AFAP1: variants seen among roughly 807,000 people sequenced by gnomAD.
AFAP1 encodes actin filament associated protein 1, also known as actin filament-associated protein 1.
A neutral mutation model predicts 93.9 loss-of-function variants in AFAP1; 75 were observed. The ratio of observed to expected loss-of-function variants is 0.80; its 90% CI spans 0.66 to 0.97. The LOEUF is 0.97. AFAP1 is among the 50% of genes least tolerant of loss of function. The pLI, the probability that AFAP1 is intolerant of heterozygous loss-of-function variation, is 0.00. For synonymous variants in AFAP1, 517 were observed against 430.7 expected, an observed-to-expected ratio of 1.20 and a Z score of -2.48; for missense variants, 1,201 against 1,050.8, an observed-to-expected ratio of 1.14 and a Z score of -1.98.
intron 1 of AFAP1, among the ~76,000 whole-genome samples, chr4:7,918,964 G>GCCAGA (rs1560236323): frequency 1.8e-4 from 26 of 142,272 alleles, no homozygotes; most frequent in East Asian, 1.1e-3. Flanking sequence ...AAACAGGGCT[G>GCCAGA]TTGGAAGAGA....
chr4:7,910,343 G>A (rs533724478), intron 1 of AFAP1, among the ~76,000 whole-genome samples: 2 of 152,220 alleles, frequency 1.3e-5, no homozygotes, highest in East Asian at 3.9e-4. Context: ...CTTCTCTCTG[G>A]TCTTGGTGTG....
intron 9 of AFAP1, among the ~76,000 whole-genome samples, chr4:7,806,213 A>G (rs1719497236): frequency 1.3e-5 from 2 of 152,236 alleles, no homozygotes; most frequent in African/African-American, 2.4e-5. Context: ...ACGTCACTCA[A>G]TAGGCGTTGC....
intron 4 of AFAP1, among the ~76,000 whole-genome samples, chr4:7,850,366 G>C (rs28568794): frequency 0.31 from 46,984 of 152,058 alleles, 9,156 homozygotes; most frequent in Non-Finnish European, 0.45. Flanking sequence ...AATGTATTTC[G>C]TTTACACACA....
In AFAP1 at chr4:7,763,879, G is replaced by T. The variant is rs1005524105; in HGVS notation, c.2419-88C>A. 5.8e-6 allele frequency: 8 copies of T among 1,375,822 alleles called. No homozygotes were observed. In the Admixed American group the frequency reaches 1.2e-4, roughly 20 times the overall value. The allele number at this position is 1,375,822 out of a possible 1,614,324, so 85.2% of individuals were successfully genotyped here. A position where few individuals can be genotyped will look rare whatever the true frequency, so the allele number is the denominator to read the frequency against. On this transcript the variant is annotated intron_variant, in intron 17 of 17. Coordinates refer to ENST00000420658, the MANE Select transcript of AFAP1 (RefSeq NM_001134647.2). ...CCACCATCCACATTCAACTCAGAGG[G>T]GGTGGGTGCTCGGCTACTGCAGAAA...
intron 1 of AFAP1, among the ~76,000 whole-genome samples, chr4:7,918,954 A>G (rs1720273954): frequency 1.3e-5 from 2 of 149,332 alleles, no homozygotes; most frequent in African/African-American, 4.9e-5. Context: ...GGTCACCAGG[A>G]AACAGGGCTG....
intron 6 of AFAP1, among the ~76,000 whole-genome samples, chr4:7,835,336 C>G (rs1242751306): frequency 1.6e-5 from 1 of 61,474 alleles, no homozygotes; most frequent in Non-Finnish European, 4.1e-5. Flanking sequence ...CTGCGGGCGG[C>G]CTCAAGGTTA....
intron 1 of AFAP1, among the ~76,000 whole-genome samples, chr4:7,894,585 C>T (rs1024169735): frequency 6.6e-6 from 1 of 152,152 alleles, no homozygotes; most frequent in Non-Finnish European, 1.5e-5. Flanking sequence ...TTTCAGAATG[C>T]AGAATCAGGG....
At chr4:7,805,347 A>C (rs796950918) in intron 9 of AFAP1, among the ~76,000 whole-genome samples, 1 of 152,230 alleles carries the variant, frequency 6.6e-6, no homozygotes, top group South Asian at 2.1e-4. Context: ...ATGGCTACCC[A>C]GGCTCCATGA....
chr4:7,859,621 A>C, intron 3 of AFAP1, among the ~76,000 whole-genome samples: 1 of 152,306 alleles, frequency 6.6e-6, no homozygotes, highest in South Asian at 2.1e-4. Flanking sequence ...ATTAATACTT[A>C]AGTAAAAGCT....
chr4:7,907,161 TC>T, intron 1 of AFAP1, among the ~76,000 whole-genome samples: 1 of 152,124 alleles, frequency 6.6e-6, no homozygotes, highest in East Asian at 1.9e-4. Flanking sequence ...AACAGTGAGT[TC>T]CCCTCCTCTT....
intron 1 of AFAP1, among the ~76,000 whole-genome samples, chr4:7,926,405 C>A (rs566277642): frequency 3.3e-5 from 5 of 152,192 alleles, no homozygotes; most frequent in Non-Finnish European, 7.3e-5. Context: ...CCCTGCCCCA[C>A]CCCATCCTAC....
chr4:7,927,040 A>G (rs1264329100), intron 1 of AFAP1, among the ~76,000 whole-genome samples: 1 of 152,226 alleles, frequency 6.6e-6, no homozygotes, highest in Non-Finnish European at 1.5e-5. Flanking sequence ...TGTCCTGGCA[A>G]AATGACTCCC....
rs559654724 is a variant in AFAP1 at position 7,768,028 on chromosome 4, A to C, written c.2418+816T>G. Among the ~76,000 whole-genome samples, 434 of 152,348 alleles carry C rather than the reference A, an allele frequency of 2.8e-3. 2 individuals are homozygous for C. Among genetic ancestry groups the C allele is most frequent in the African/African-American group, 0.01 (418 of 41,590 alleles). On this transcript the variant is annotated intron_variant, in intron 17 of 17. Transcript: ENST00000420658. ...GAGATCAAGGCTGTGGTGAGCTGTG[A>C]TGGCACCACTATACTCAGCCTGGGC...
At chr4:7,879,056 A>C (rs1331299349) in intron 1 of AFAP1, among the ~76,000 whole-genome samples, 1 of 152,214 alleles carries the variant, frequency 6.6e-6, no homozygotes, top group Non-Finnish European at 1.5e-5. Context: ...TACACTAAAA[A>C]ATGAAATCTT....
At chr4:7,900,390 C>G (rs1244786512) in intron 1 of AFAP1, among the ~76,000 whole-genome samples, 3 of 81,640 alleles carry the variant, frequency 3.7e-5, no homozygotes, top group Non-Finnish European at 2.9e-5. Context: ...GCTAAAATGG[C>G]CATTCTTCCC....
intron 6 of AFAP1, among the ~76,000 whole-genome samples, chr4:7,833,129 T>C (rs1711828880): frequency 6.6e-6 from 1 of 152,102 alleles, no homozygotes; most frequent in Admixed American, 6.5e-5. Flanking sequence ...AAAGCAAATG[T>C]GATAAAAACA....
chr4:7,778,992 A>T (rs942850699), intron 13 of AFAP1, 116 bp from the exon 14 acceptor site: 3 of 772,638 alleles, frequency 3.9e-6, no homozygotes, highest in Non-Finnish European at 6.2e-6. Flanking sequence ...AAACTGGCAT[A>T]GATGGAGGAA....
rs552628836 is a variant in AFAP1, at chr4:7,817,009, T to A, written c.823-910A>T. ...AGCTGGGGGAATCCAGGGCAACAGG[T>A]CCAGCCAGGTGCTCACGGTACTGCC... On this transcript the variant is annotated intron_variant, in intron 7 of 17. Transcript: ENST00000420658. Among the ~76,000 whole-genome samples the A allele has an allele frequency of 4.6e-5, 7 of 152,254 alleles. No individual in the cohort carries two copies. In the South Asian group the frequency reaches 1.2e-3, roughly 27 times the overall value.
chr4:7,781,556 T>C lies in AFAP1; in HGVS notation c.1602A>G (p.Ala534=), dbSNP rs896144717. Residue 534 remains alanine, a synonymous_variant, in exon 13 of 18, where the codon GCA becomes GCG. Coordinates refer to ENST00000420658, the MANE Select transcript of AFAP1 (RefSeq NM_001134647.2). Reference sequence around the variant, plus strand: ...GAGGCGGCAAGTTATCGTACAGGCCTGCGTTATCATAAAGCACCTCTTCTC... The same window carrying C: ...GAGGCGGCAAGTTATCGTACAGGCCCGCGTTATCATAAAGCACCTCTTCTC... The part of the protein sequence containing the change: ...GLGEEVLYDN[A]GLYDNLPPPH... 1.0e-4 allele frequency: 156 copies of C among 1,551,862 alleles called. No individual in the cohort carries two copies. The highest frequency in any genetic ancestry group is 1.3e-4 in the Non-Finnish European group (147 of 1,147,066).
Sources: gnomAD v4.1 joint callset for allele counts (sites outside exome capture counted in the v4.1 genomes callset) on GRCh38, gnomAD v4.1.1 for gene constraint, MANE v1.5 for transcripts, NCBI Gene and HGNC (gene_info 2026-07-23, HGNC 2026-07-21) for gene names.